SLIT3: variants seen among roughly 807,000 people sequenced by gnomAD.
SLIT3 encodes the protein slit homolog 3 protein.
Under a neutral mutation model 184.0 loss-of-function variants are expected in SLIT3, and 68 were observed. The ratio of observed to expected loss-of-function variants is 0.37; its 90% CI spans 0.30 to 0.45. SLIT3 has a LOEUF of 0.45. Ranked by LOEUF, SLIT3 falls within the 20% of genes least tolerant of loss-of-function variation. The probability of loss-of-function intolerance (pLI) is 1.00; values close to 1 mark genes in which losing one functional copy is unlikely to be tolerated. For missense variants in SLIT3, 1,707 were observed against 2,026.0 expected (o/e 0.84, Z 3.02); for synonymous variants, 831 against 828.6 (o/e 1.00, Z -0.05).
intron 6 of SLIT3, among the ~76,000 whole-genome samples, chr5:168,828,448 T>G (rs982979749): frequency 6.6e-6 from 1 of 151,694 alleles, no homozygotes; most frequent in African/African-American, 2.4e-5. Flanking sequence ...CTGGGCAACA[T>G]AGGGAGAACC....
At chr5:169,270,690 G>A (rs957363018) in intron 1 of SLIT3, among the ~76,000 whole-genome samples, 5 of 151,996 alleles carry the variant, frequency 3.3e-5, no homozygotes, top group East Asian at 1.9e-4. Flanking sequence ...ACAAGAAAGC[G>A]GCAGTCAAAA....
At chr5:169,098,099 A>C (rs943414848) in intron 4 of SLIT3, among the ~76,000 whole-genome samples, 3 of 152,104 alleles carry the variant, frequency 2.0e-5, no homozygotes, top group African/African-American at 7.2e-5. Context: ...GGGCCTTCCC[A>C]ATGGGTATCC....
Position 168,868,747 on chromosome 5 carries a change from C to CAAAAAA in SLIT3, c.485+14512_485+14517dup, listed in dbSNP as rs375837097. On this transcript the variant is annotated intron_variant, in intron 5 of 35. Coordinates refer to ENST00000519560, the MANE Select transcript of SLIT3 (RefSeq NM_003062.4). ...CGGGTGGCAGTGTGGGAATCTGCCT[C>CAAAAAA]AAAAAAAAAAAAAAAAAAAGAAAAA... Among the ~76,000 whole-genome samples the CAAAAAA allele has an allele frequency of 3.5e-3, 237 of 68,504 alleles. 6 individuals are homozygous for CAAAAAA. Among genetic ancestry groups the CAAAAAA allele is most frequent in the African/African-American group, 0.011 (200 of 18,418 alleles). The allele number at this position is 68,504 out of a possible 152,430, so 44.9% of individuals were successfully genotyped here.
At chr5:168,669,051 A>G (rs776514205) in intron 35 of SLIT3, among the ~76,000 whole-genome samples, 3 of 152,230 alleles carry the variant, frequency 2.0e-5, no homozygotes, top group African/African-American at 2.4e-5. Flanking sequence ...CTGACTTTAC[A>G]TCTCAACATC....
At chr5:168,931,908 G>T (rs1017670313) in intron 4 of SLIT3, among the ~76,000 whole-genome samples, 2 of 152,078 alleles carry the variant, frequency 1.3e-5, no homozygotes, top group Non-Finnish European at 2.9e-5. Flanking sequence ...AAGAGCTGAA[G>T]TCAGACTTCA....
intron 4 of SLIT3, among the ~76,000 whole-genome samples, chr5:168,884,212 T>C (rs1205687486): frequency 6.6e-6 from 1 of 151,490 alleles, no homozygotes; most frequent in Non-Finnish European, 1.5e-5. Flanking sequence ...GTAATCAATC[T>C]GTAAAGACCG....
At chr5:169,138,135 C>T (rs78292534) in intron 4 of SLIT3, among the ~76,000 whole-genome samples, 5,005 of 152,272 alleles carry the variant, frequency 0.033, 282 homozygotes, top group African/African-American at 0.11. Context: ...GGTACACCAC[C>T]CAATTCCCCT....
intron 23 of SLIT3, among the ~76,000 whole-genome samples, chr5:168,714,838 T>C (rs896340832): frequency 2.0e-5 from 3 of 152,220 alleles, no homozygotes; most frequent in Non-Finnish European, 2.9e-5. Context: ...GTGGCTCATC[T>C]TCAAGCACTT....
chr5:168,819,504 G>T (rs1757451249), intron 7 of SLIT3, among the ~76,000 whole-genome samples: 1 of 152,196 alleles, frequency 6.6e-6, no homozygotes, highest in South Asian at 2.1e-4. Flanking sequence ...TATTTGGAAA[G>T]GTGGTTGCCC....
At chr5:168,992,180 G>GA (rs374092371) in intron 4 of SLIT3, among the ~76,000 whole-genome samples, 212 of 152,342 alleles carry the variant, frequency 1.4e-3, no homozygotes, top group African/African-American at 4.9e-3. Context: ...GCCCCTGGCA[G>GA]AAAAGAGAAT....
At chr5:169,241,415 A>G (rs190726264) in intron 3 of SLIT3, among the ~76,000 whole-genome samples, 5 of 152,266 alleles carry the variant, frequency 3.3e-5, no homozygotes, top group African/African-American at 9.6e-5. Flanking sequence ...GGCACTAGTG[A>G]CATTTTGGGC....
intron 6 of SLIT3, among the ~76,000 whole-genome samples, chr5:168,830,849 T>C (rs532720175): frequency 1.3e-5 from 2 of 152,350 alleles, no homozygotes; most frequent in East Asian, 3.9e-4. Flanking sequence ...CAGACAGATG[T>C]CACCTTTCCA....
chr5:168,913,446 A>G (rs1364532721), intron 4 of SLIT3, among the ~76,000 whole-genome samples: 3 of 152,214 alleles, frequency 2.0e-5, no homozygotes, highest in Non-Finnish European at 4.4e-5. Flanking sequence ...TGATAAATTT[A>G]ATATTAAAGA....
intron 26 of SLIT3, among the ~76,000 whole-genome samples, chr5:168,703,445 G>T (rs187727376): frequency 6.6e-6 from 1 of 152,128 alleles, no homozygotes; most frequent in East Asian, 1.9e-4. Flanking sequence ...CAGGTCAGCC[G>T]TGGCGTTAGA....
intron 4 of SLIT3, among the ~76,000 whole-genome samples, chr5:169,109,542 G>T (rs1465129838): frequency 1.3e-5 from 2 of 152,228 alleles, no homozygotes; most frequent in Non-Finnish European, 2.9e-5. Flanking sequence ...AATGTGTGTT[G>T]TTTTAAGCTT....
intron 8 of SLIT3, among the ~76,000 whole-genome samples, chr5:168,807,408 G>A (rs1319589204): frequency 2.0e-5 from 3 of 152,218 alleles, no homozygotes; most frequent in African/African-American, 7.2e-5. Context: ...AAATGCAAAT[G>A]TTTTAAGGAC....
At chr5:169,034,843 C>G (rs867833389) in intron 4 of SLIT3, among the ~76,000 whole-genome samples, 18 of 151,418 alleles carry the variant, frequency 1.2e-4, no homozygotes, top group African/African-American at 3.6e-4. Flanking sequence ...CCTCTCCATG[C>G]TCAGGAGATC....
chr5:169,111,420 G>A (rs187887717), intron 4 of SLIT3, among the ~76,000 whole-genome samples: 1 of 152,332 alleles, frequency 6.6e-6, no homozygotes, highest in East Asian at 1.9e-4. Flanking sequence ...AGTAGCCATA[G>A]AAGATAGGTA....
chr5:169,228,966 G>C (rs1005023153), intron 3 of SLIT3, among the ~76,000 whole-genome samples: 1 of 152,096 alleles, frequency 6.6e-6, no homozygotes, highest in Non-Finnish European at 1.5e-5. Context: ...AAAATCCAGC[G>C]CACAGCCATG....
Sources: allele counts gnomAD v4.1 joint callset (sites outside exome capture counted in the v4.1 genomes callset), GRCh38; gene constraint gnomAD v4.1.1; transcripts MANE v1.5; gene names NCBI Gene and HGNC (gene_info 2026-07-23, HGNC 2026-07-21).